Variants in ZNF143 observed in about 807,000 individuals in gnomAD.
ZNF143 encodes zinc finger protein 143.
Under a neutral mutation model 74.1 loss-of-function variants are expected in ZNF143, and 49 were observed. The ratio of observed to expected loss-of-function variants is 0.66; its 90% CI spans 0.53 to 0.84. The LOEUF is 0.84. Among genes scored for constraint, ZNF143 ranks in the 40% least tolerant of loss-of-function variants. ZNF143 has a pLI of 0.00. For synonymous variants in ZNF143, 304 were observed against 282.8 expected (o/e 1.07, Z -0.75); for missense variants, 637 against 793.4 (o/e 0.80, Z 2.37).
chr11:9,464,682 G>A (rs563651273), intron 1 of ZNF143, among the ~76,000 whole-genome samples: 9 of 152,246 alleles, frequency 5.9e-5, no homozygotes, highest in African/African-American at 2.2e-4. Context: ...AGCACTTTGG[G>A]AGGCCGAGGT....
chr11:9,466,021 C>T (rs1366919140), intron 1 of ZNF143, among the ~76,000 whole-genome samples: 1 of 150,454 alleles, frequency 6.6e-6, no homozygotes, highest in African/African-American at 2.4e-5. Context: ...AGAGGGAGTT[C>T]ACCCAGGCTG....
At chr11:9,472,909 T>G (rs1458696007) in intron 3 of ZNF143, 140 bp downstream of exon 3, 5 of 450,494 alleles carry the variant, frequency 1.1e-5, no homozygotes, top group Non-Finnish European at 1.8e-5. Context: ...CATTTCAGTT[T>G]AATTCTTTTT....
intron 14 of ZNF143, among the ~76,000 whole-genome samples, chr11:9,522,427 G>A (rs1305360358): frequency 2.0e-4 from 31 of 152,176 alleles, no homozygotes; most frequent in Non-Finnish European, 2.9e-5. Flanking sequence ...CTGCCCTTCT[G>A]GAACTCTAGT....
chr11:9,477,579 G>A (rs1420630602), intron 5 of ZNF143, among the ~76,000 whole-genome samples: 7 of 152,016 alleles, frequency 4.6e-5, no homozygotes, highest in African/African-American at 1.4e-4. Context: ...ATCAATAAGA[G>A]TTAGTCACAG....
At chr11:9,507,518 A>C (rs558781046) in intron 11 of ZNF143, among the ~76,000 whole-genome samples, 1 of 152,184 alleles carries the variant, frequency 6.6e-6, no homozygotes, top group South Asian at 2.1e-4. Context: ...TTTGTTTGCA[A>C]TTCTTCCCCT....
chr11:9,517,662 A>T (rs900557893), intron 14 of ZNF143, among the ~76,000 whole-genome samples: 1 of 152,220 alleles, frequency 6.6e-6, no homozygotes, highest in African/African-American at 2.4e-5. Context: ...TAAAATAAAT[A>T]ATGTAATATA....
intron 10 of ZNF143, among the ~76,000 whole-genome samples, chr11:9,499,363 A>G (rs975971207): frequency 6.6e-6 from 1 of 152,198 alleles, no homozygotes; most frequent in African/African-American, 2.4e-5. Flanking sequence ...ATCTAGATCC[A>G]AGAGAAAAGA....
chr11:9,501,618 G>A (rs1848161772), intron 11 of ZNF143, among the ~76,000 whole-genome samples: 2 of 152,244 alleles, frequency 1.3e-5, no homozygotes, highest in South Asian at 4.1e-4. Context: ...GCAGGAATGG[G>A]AGAAGCATTT....
chr11:9,488,482 C>G (rs1223649873), intron 7 of ZNF143, among the ~76,000 whole-genome samples: 1 of 152,132 alleles, frequency 6.6e-6, no homozygotes, highest in Non-Finnish European at 1.5e-5. Flanking sequence ...AGATAACACT[C>G]CAAACCTTTG....
intron 10 of ZNF143, among the ~76,000 whole-genome samples, chr11:9,500,688 C>T (rs1381817022): frequency 6.6e-6 from 1 of 152,148 alleles, no homozygotes; most frequent in Non-Finnish European, 1.5e-5. Context: ...AAATTATTTT[C>T]CTGCAAGATA....
chr11:9,497,405 A>G (rs1226654412), intron 9 of ZNF143, among the ~76,000 whole-genome samples: 1 of 151,872 alleles, frequency 6.6e-6, no homozygotes, highest in Non-Finnish European at 1.5e-5. Flanking sequence ...AATTTTTTGC[A>G]TTTTTAGTAG....
intron 14 of ZNF143, among the ~76,000 whole-genome samples, chr11:9,519,793 T>C (rs904398659): frequency 2.0e-5 from 3 of 152,174 alleles, no homozygotes; most frequent in Non-Finnish European, 1.5e-5. Context: ...TCTATGATAG[T>C]ACCAAACAAT....
intron 14 of ZNF143, 168 bp from the exon 15 acceptor site, chr11:9,525,072 C>A: frequency 1.3e-6 from 1 of 760,766 alleles, no homozygotes; most frequent in Non-Finnish European, 2.0e-6. Context: ...GATAATGAGC[C>A]TCAACTTCCT....
Position 9,494,745 on chromosome 11 carries a change from A to C in ZNF143, c.745A>C (p.Thr249Pro). The change falls in exon 8 of 16, where the codon ACA becomes CCA. Residue 249 changes from threonine (T) to proline (P), a missense_variant. Around this residue, in one of 2 missense-constraint regions of ZNF143, gnomAD observed 293 missense variants for 307.8 expected, o/e 0.95. Coordinates refer to ENST00000396602, the MANE Select transcript of ZNF143 (RefSeq NM_003442.6). ...ATATGATGGATGTGGAAAATTATAT[A>C]CAACAGCTCATCATCTCAAGGTATA... is the stretch of plus-strand genomic sequence containing the variant. ...CEYDGCGKLY[T>P]TAHHLKVHER... 1 of 1,610,744 alleles carries C rather than the reference A, an allele frequency of 6.2e-7. No individual in the cohort carries two copies. The highest frequency in any genetic ancestry group is 8.5e-7 in the Non-Finnish European group (1 of 1,176,932).
At chr11:9,523,774 G>A (rs903151490) in intron 14 of ZNF143, among the ~76,000 whole-genome samples, 6 of 151,694 alleles carry the variant, frequency 4.0e-5, no homozygotes, top group South Asian at 2.1e-4. Context: ...CTGGCTGGGC[G>A]CGGGGGCTCA....
At chr11:9,465,340 C>G (rs1856133135) in intron 1 of ZNF143, among the ~76,000 whole-genome samples, 2 of 151,968 alleles carry the variant, frequency 1.3e-5, no homozygotes, top group South Asian at 4.2e-4. Context: ...AAGCACGCCA[C>G]CATGCCCAGC....
At chr11:9,484,241 T>A (rs995378180) in intron 7 of ZNF143, among the ~76,000 whole-genome samples, 1 of 151,388 alleles carries the variant, frequency 6.6e-6, no homozygotes, top group Non-Finnish European at 1.5e-5. Context: ...TTGCCCAGGC[T>A]GGAGTGCAGT....
chr11:9,477,081 T>C (rs987506081), intron 5 of ZNF143, among the ~76,000 whole-genome samples: 7 of 151,062 alleles, frequency 4.6e-5, no homozygotes, highest in African/African-American at 1.5e-4. Flanking sequence ...TAAATTTCTT[T>C]AATTACAGTT....
Position 9,470,525 on chromosome 11 carries a change from C to A in ZNF143, c.-7-777C>A, listed in dbSNP as rs1856506965. Among the ~76,000 whole-genome samples the A allele has an allele frequency of 3.3e-5, 5 of 152,034 alleles. 1 individual carries two copies. The South Asian group carries it at 1.0e-3, about 32-fold the overall frequency. ...GGGTAGGGAATGAATAATGAAGATA[C>A]TGGGGACAATGTTTCAGGCAGAAGG... On this transcript the variant is annotated intron_variant, in intron 1 of 15. Coordinates refer to ENST00000396602, the MANE Select transcript of ZNF143 (RefSeq NM_003442.6).
Sources: gnomAD v4.1 joint callset for allele counts (sites outside exome capture counted in the v4.1 genomes callset) on GRCh38, gnomAD v4.1.1 for gene constraint, gnomAD v4.1.1 regional missense constraint, MANE v1.5 for transcripts, NCBI Gene and HGNC (gene_info 2026-07-23, HGNC 2026-07-21) for gene names.